The following GNB5 variants were observed in gnomAD, a reference collection of about 807,000 sequenced individuals.
GNB5 encodes guanine nucleotide-binding protein subunit beta-5.
GNB5 carries 37 observed loss-of-function variants against 55.3 expected under a neutral mutation model. The observed-to-expected ratio is 0.67, with a 90% CI of 0.51 to 0.88. The LOEUF (loss-of-function observed/expected upper bound fraction) is 0.88. Among genes scored for constraint, GNB5 ranks in the 40% least tolerant of loss-of-function variants. GNB5 has a pLI of 0.00. For missense variants in GNB5, 476 were observed against 515.3 expected (o/e 0.92, Z 0.74); for synonymous variants, 219 against 198.5 (o/e 1.10, Z -0.87).
chr15:52,187,630 G>A (rs914679094), intron 1 of GNB5, among the ~76,000 whole-genome samples: 1 of 152,136 alleles, frequency 6.6e-6, no homozygotes, highest in African/African-American at 2.4e-5. Context: ...AATTATAAAA[G>A]ATGCTGATAA....
chr15:52,185,781 T>A (rs1410069373), intron 1 of GNB5, among the ~76,000 whole-genome samples: 1 of 147,760 alleles, frequency 6.8e-6, no homozygotes, highest in African/African-American at 2.5e-5. Context: ...ATTATTATTA[T>A]TATTATTATT....
Position 52,121,795 on chromosome 15 carries a change from A to AG in GNB5, c.*961dup, listed in dbSNP as rs2033276362. 1 of 151,908 alleles carries AG rather than the reference A, an allele frequency of 6.6e-6. No homozygotes were observed. The highest frequency in any genetic ancestry group is 1.5e-5 in the Non-Finnish European group (1 of 67,988). The allele number at this position is 151,908 out of a possible 1,614,324, so 9.4% of individuals were successfully genotyped here. A position where few individuals can be genotyped will look rare whatever the true frequency, so the allele number is the denominator to read the frequency against. On this transcript the variant is annotated 3_prime_UTR_variant, in exon 13 of 13. Transcript: ENST00000261837. Reference sequence around the variant, plus strand: ...ATTTTTTGTATTTTTTAGTAGAGACAGGGTTTCACCGTGGTCTCGAACTCC... The same window carrying AG: ...ATTTTTTGTATTTTTTAGTAGAGACAGGGGTTTCACCGTGGTCTCGAACTCC...
chr15:52,164,431 A>C (rs1000440768), intron 3 of GNB5, among the ~76,000 whole-genome samples: 2 of 151,964 alleles, frequency 1.3e-5, no homozygotes, highest in African/African-American at 4.8e-5. Flanking sequence ...TTCTTGGCTA[A>C]CACGGTGAAA....
intron 3 of GNB5, 57 bp downstream of exon 3, chr15:52,179,711 C>T: frequency 3.4e-6 from 4 of 1,180,208 alleles, no homozygotes; most frequent in Non-Finnish European, 4.5e-6. Flanking sequence ...GCCGTCCCCG[C>T]CCGGGAAGTG....
At chr15:52,157,851 G>A (rs2034248319) in intron 3 of GNB5, among the ~76,000 whole-genome samples, 1 of 150,942 alleles carries the variant, frequency 6.6e-6, no homozygotes, top group Non-Finnish European at 1.5e-5. Context: ...GCCAAATTTT[G>A]CATCCACTGA....
In GNB5 at chr15:52,154,056, C is replaced by A. The variant is rs1214944422; in HGVS notation, c.259G>T (p.Val87Leu). The A allele has an allele frequency of 6.2e-7, 1 of 1,614,076 alleles. No homozygotes were observed. The highest frequency in any genetic ancestry group is 1.3e-5 in the African/African-American group (1 of 75,050). Reference protein sequence around the residue: ...DVELHQVAERVEALGQFVMKT... With the variant: ...DVELHQVAERLEALGQFVMKT... ...ATGACAAACTGCCCCAGGGCCTCCA[C>A]CCGCTCCGCCACCTGGTGCACTGGA... Residue 87 changes from valine to leucine, a missense_variant, in exon 4 of 13, where the codon GTG (valine) becomes TTG (leucine). Coordinates refer to ENST00000261837, the MANE Select transcript of GNB5 (RefSeq NM_016194.4).
intron 7 of GNB5, chr15:52,137,985 G>A (rs1246707667): frequency 1.6e-6 from 2 of 1,284,078 alleles, no homozygotes; most frequent in Non-Finnish European, 2.0e-6. Context: ...TGCACCGCTA[G>A]CATGCAATGC....
At chr15:52,173,735 T>A (rs1334434924) in intron 3 of GNB5, among the ~76,000 whole-genome samples, 1 of 152,184 alleles carries the variant, frequency 6.6e-6, no homozygotes, top group African/African-American at 2.4e-5. Context: ...TATTCAACAT[T>A]AGAGTAGCTA....
At chr15:52,151,296 G>A (rs999417065) in intron 4 of GNB5, among the ~76,000 whole-genome samples, 4 of 152,288 alleles carry the variant, frequency 2.6e-5, no homozygotes, top group Admixed American at 1.3e-4. Context: ...CAGCGACCAC[G>A]TTAGGGGCTT....
chr15:52,164,366 C>A (rs951088232), intron 3 of GNB5, among the ~76,000 whole-genome samples: 1 of 143,296 alleles, frequency 7.0e-6, no homozygotes, highest in Non-Finnish European at 1.5e-5. Flanking sequence ...AGCCTGTAAT[C>A]CCAGCACTTT....
intron 7 of GNB5, among the ~76,000 whole-genome samples, chr15:52,136,019 C>A (rs893603162): frequency 7.5e-6 from 1 of 132,882 alleles, no homozygotes; most frequent in African/African-American, 2.9e-5. Context: ...TTGCTTATGC[C>A]GGGGGCAGTC....
At chr15:52,137,150 T>C in intron 7 of GNB5, 1 of 790,410 alleles carries the variant, frequency 1.3e-6, no homozygotes. Context: ...ACTAAGATTC[T>C]GCCAAGTGGA....
At chr15:52,132,985 A>T (rs2141190665) in intron 9 of GNB5, among the ~76,000 whole-genome samples, 1 of 152,200 alleles carries the variant, frequency 6.6e-6, no homozygotes, top group East Asian at 1.9e-4. Flanking sequence ...CTTTTATCAT[A>T]GTAGTTATCA....
At chr15:52,174,225 C>T (rs1033540625) in intron 3 of GNB5, among the ~76,000 whole-genome samples, 1 of 152,166 alleles carries the variant, frequency 6.6e-6, no homozygotes, top group Non-Finnish European at 1.5e-5. Context: ...ACCTGCCCAC[C>T]CATTTTAGTC....
At chr15:52,139,879 C>T (rs1188779066) in intron 7 of GNB5, 1 of 1,286,870 alleles carries the variant, frequency 7.8e-7, no homozygotes, top group Non-Finnish European at 1.0e-6. Context: ...GATGGGTCTC[C>T]ACAGAGGGGC....
In GNB5 at chr15:52,117,102, A is replaced by ATTTTTTTTTTTTTTT. The variant is rs977627428; in HGVS notation, c.*5654_*5655insAAAAAAAAAAAAAAA. 1.1e-5 allele frequency: 1 copy of ATTTTTTTTTTTTTTT among 87,102 alleles called. No homozygotes were observed. Among genetic ancestry groups the ATTTTTTTTTTTTTTT allele is most frequent in the African/African-American group, 6.1e-5 (1 of 16,420 alleles). 5.4% of individuals were successfully genotyped at this position (87,102 alleles called of 1,614,324 possible). A position where few individuals can be genotyped will look rare whatever the true frequency, so the allele number is the denominator to read the frequency against. On this transcript the variant is annotated 3_prime_UTR_variant, in exon 13 of 13. Transcript: ENST00000261837. ...CCACGCCCAGCTAATATATATATAT[A>ATTTTTTTTTTTTTTT]TTTTTTTTTAGTACAGACAGGGTTT...
intron 4 of GNB5, among the ~76,000 whole-genome samples, chr15:52,150,272 T>A (rs1231718697): frequency 6.6e-6 from 1 of 152,178 alleles, no homozygotes; most frequent in Non-Finnish European, 1.5e-5. Context: ...CAACAAATTA[T>A]ACAGGGGAAA....
rs114845794 is a variant in GNB5, at chr15:52,145,929, T to A, written c.494+1530A>T. On this transcript the variant is annotated intron_variant, in intron 6 of 12. Coordinates refer to ENST00000261837, the MANE Select transcript of GNB5 (RefSeq NM_016194.4). ...AGAACTACTATTTTATTTGGTATAG[T>A]TCCTCCCAGCCTTTATAATATGACT... 5.1e-3 allele frequency among the ~76,000 whole-genome samples: 773 copies of A among 151,784 alleles called. 6 individuals carry two copies. The highest frequency in any genetic ancestry group is 0.018 in the African/African-American group (741 of 41,374).
intron 7 of GNB5, chr15:52,138,432 G>A (rs1339618788): frequency 6.6e-6 from 1 of 152,050 alleles, no homozygotes; most frequent in Non-Finnish European, 1.5e-5. Flanking sequence ...TGCAGGGAAG[G>A]AACAAATTAC....
Sources: gnomAD v4.1 joint callset for allele counts (sites outside exome capture counted in the v4.1 genomes callset) on GRCh38, gnomAD v4.1.1 for gene constraint, MANE v1.5 for transcripts, NCBI Gene and HGNC (gene_info 2026-07-23, HGNC 2026-07-21) for gene names.